Variants in MTOR observed in about 807,000 individuals in gnomAD.
The protein encoded by MTOR is serine/threonine-protein kinase mTOR.
In MTOR, 70 loss-of-function variants were observed where a neutral mutation model predicts 319.8. The observed-to-expected ratio is 0.22, with a 90% CI of 0.18 to 0.27. The LOEUF (loss-of-function observed/expected upper bound fraction) is 0.27. MTOR is among the 10% of genes least tolerant of loss of function. The pLI, the probability that MTOR is intolerant of heterozygous loss-of-function variation, is 1.00. For synonymous variants in MTOR, 1,183 were observed against 1,211.4 expected (o/e 0.98, Z 0.49); for missense variants, 1,890 against 3,274.4 (o/e 0.58, Z 10.32).
rs2100407654 is a variant in MTOR at position 11,127,692 on chromosome 1, C to T, written c.6148G>A (p.Val2050Met). 6.2e-7 allele frequency: 1 copy of T among 1,614,122 alleles called. No individual in the cohort carries two copies. The highest frequency in any genetic ancestry group is 8.5e-7 in the Non-Finnish European group (1 of 1,180,042). ...ATCATAGCATGCAAGGGCTCCAGCA[C>T]CTCAAACATGCCTTTCACGTTCCTT... is the stretch of plus-strand genomic sequence containing the variant. ...GERNVKGMFE[V>M]LEPLHAMMER... Residue 2050 changes from valine (V) to methionine (M), a missense_variant, in exon 44 of 58, where the codon GTG becomes ATG. Coordinates refer to ENST00000361445, the MANE Select transcript of MTOR (RefSeq NM_004958.4). This position sits in a 1 kb window ranked among gnomAD's most constrained non-coding sequence, Gnocchi z 5.5.
Position 11,204,572 on chromosome 1 carries a change from G to C in MTOR, c.3933C>G (p.Asn1311Lys), listed in dbSNP as rs748390788. 2 of 1,614,106 alleles carry C rather than the reference G, an allele frequency of 1.2e-6. No individual in the cohort carries two copies. Among genetic ancestry groups the C allele is most frequent in the Non-Finnish European group, 1.7e-6 (2 of 1,179,946 alleles). Reference protein sequence around the residue: ...RSCWALAQAYNPMARDLFNAA... With the variant: ...RSCWALAQAYKPMARDLFNAA... ...CTGACACACTATACCTGGCCATCGG[G>C]TTGTAGGCCTGTGCCAGGGCCCAGC... The change falls in exon 26 of 58, where the codon AAC (asparagine) becomes AAG (lysine). Residue 1311 changes from asparagine (N) to lysine (K), a missense_variant. Coordinates refer to ENST00000361445, the MANE Select transcript of MTOR (RefSeq NM_004958.4).
chr1:11,188,442 C>A (rs981428024), intron 28 of MTOR, among the ~76,000 whole-genome samples: 2 of 152,102 alleles, frequency 1.3e-5, no homozygotes, highest in East Asian at 1.9e-4. Flanking sequence ...GGAAATGAGA[C>A]TCTAGATATG....
chr1:11,193,745 C>G lies in MTOR; in HGVS notation c.4253+5513G>C, dbSNP rs753849464. ...CGAACACATCCACCGGCTCTCCAGA[C>G]AGCCAACCCGGCTGCGTGTAGAGAT... is the stretch of plus-strand genomic sequence containing the variant. On this transcript the variant is annotated intron_variant, in intron 28 of 57. Coordinates refer to ENST00000361445, the MANE Select transcript of MTOR (RefSeq NM_004958.4). 5.6e-6 allele frequency: 9 copies of G among 1,614,152 alleles called. No individual in the cohort carries two copies. In the Middle Eastern group the frequency reaches 8.3e-4, roughly 148 times the overall value.
chr1:11,146,628 C>G (rs1643938613), intron 32 of MTOR, 48 bp downstream of exon 32: 1 of 1,487,254 alleles, frequency 6.7e-7, no homozygotes, highest in East Asian at 2.3e-5. Flanking sequence ...CTTAGAAGCA[C>G]TACAATCTTT....
Position 11,121,198 on chromosome 1 carries a change from G to A in MTOR, c.6933+48C>T, listed in dbSNP as rs754987668. ...ACAGATGGGAGGGCCATCCTATTGC[G>A]AGTGGGGGTTCCAGGAGAGCGCAGG... On this transcript the variant is annotated intron_variant, in intron 49 of 57. Transcript: ENST00000361445. This position sits in a 1 kb window ranked among gnomAD's most constrained non-coding sequence, Gnocchi z 4.9. The A allele has an allele frequency of 1.2e-5, 20 of 1,606,936 alleles. No homozygotes were observed. The highest frequency in any genetic ancestry group is 8.0e-5 in the African/African-American group (6 of 74,870).
intron 25 of MTOR, among the ~76,000 whole-genome samples, chr1:11,207,414 T>TA (rs1646170847): frequency 7.2e-6 from 1 of 139,170 alleles, no homozygotes; most frequent in South Asian, 2.5e-4. Context: ...TACCTCTTTT[T>TA]TTTTTTTTTT....
At chr1:11,206,059 A>G (rs1410968107) in intron 25 of MTOR, among the ~76,000 whole-genome samples, 1 of 152,218 alleles carries the variant, frequency 6.6e-6, no homozygotes, top group East Asian at 1.9e-4. Context: ...GAGACAAACT[A>G]AATAATACCA....
chr1:11,147,956 G>T (rs1003280150), intron 31 of MTOR, among the ~76,000 whole-genome samples: 1 of 152,188 alleles, frequency 6.6e-6, no homozygotes, highest in Non-Finnish European at 1.5e-5. Context: ...GCAAAGAGGA[G>T]AATAGAGACA....
rs754147130 is a variant in MTOR, at chr1:11,144,606, G to A, written c.4872+42C>T. ...GGCACTCACCCAGGTCCTGGAAGGGGTAGGGGTAGGTGGGTGAACTGGGGC... is the reference window on the plus strand; with the variant it reads ...GGCACTCACCCAGGTCCTGGAAGGGATAGGGGTAGGTGGGTGAACTGGGGC... On this transcript the variant is annotated intron_variant, in intron 34 of 57. Transcript: ENST00000361445. 5 of 1,576,798 alleles carry A rather than the reference G, an allele frequency of 3.2e-6. No homozygotes were observed. In the South Asian group the frequency reaches 3.3e-5, roughly 10 times the overall value.
At chr1:11,108,901 T>C (rs1267866528) in intron 56 of MTOR, among the ~76,000 whole-genome samples, 1 of 152,020 alleles carries the variant, frequency 6.6e-6, no homozygotes, top group Non-Finnish European at 1.5e-5. Context: ...GGCAGGAGAA[T>C]TGTTTGAACC....
intron 5 of MTOR, among the ~76,000 whole-genome samples, chr1:11,254,912 G>T (rs1183299204): frequency 6.6e-6 from 1 of 151,952 alleles, no homozygotes; most frequent in Non-Finnish European, 1.5e-5. Context: ...CCACAGGCGT[G>T]TAACACCAGG....
intron 30 of MTOR, chr1:11,152,235 C>T (rs1170124951): frequency 6.6e-6 from 1 of 152,180 alleles, no homozygotes; most frequent in Non-Finnish European, 1.5e-5. Flanking sequence ...TATGGGGCAA[C>T]AACTAGGATA....
chr1:11,237,609 G>C (rs768639191), intron 13 of MTOR, among the ~76,000 whole-genome samples: 5 of 152,052 alleles, frequency 3.3e-5, no homozygotes, highest in African/African-American at 7.2e-5. Flanking sequence ...AGCTGCATGA[G>C]AGGACTCTGA....
intron 28 of MTOR, among the ~76,000 whole-genome samples, chr1:11,174,707 A>C (rs1004469245): frequency 3.9e-5 from 6 of 152,134 alleles, no homozygotes; most frequent in African/African-American, 1.4e-4. Flanking sequence ...TGAAGAAATC[A>C]CCTTTGCTCA....
chr1:11,194,617 G>C lies in MTOR; in HGVS notation c.4253+4641C>G, dbSNP rs910797684. The C allele has an allele frequency of 1.9e-6, 3 of 1,614,216 alleles. No individual in the cohort carries two copies. In the African/African-American group the frequency reaches 4.0e-5, roughly 22 times the overall value. ...CACAGCCTTCAGCACCAAGGACAAGGACAATGACAACTGCTTGGACAAGTG... is the reference window on the plus strand; with the variant it reads ...CACAGCCTTCAGCACCAAGGACAAGCACAATGACAACTGCTTGGACAAGTG... On this transcript the variant is annotated intron_variant, in intron 28 of 57. Coordinates refer to ENST00000361445, the MANE Select transcript of MTOR (RefSeq NM_004958.4).
chr1:11,118,228 A>ATTTTTTTTT (rs771785403), intron 49 of MTOR, among the ~76,000 whole-genome samples: 10 of 120,752 alleles, frequency 8.3e-5, no homozygotes, highest in African/African-American at 3.2e-4. Context: ...AACTTAGTTA[A>ATTTTTTTTT]TTTTTTTTTT....
intron 24 of MTOR, among the ~76,000 whole-genome samples, chr1:11,210,212 G>T (rs963632382): frequency 6.6e-6 from 1 of 152,200 alleles, no homozygotes; most frequent in African/African-American, 2.4e-5. Flanking sequence ...ACCCAGGCTG[G>T]AGTGCACTGG....
intron 16 of MTOR, 89 bp downstream of exon 16, chr1:11,232,347 T>A (rs1208324778): frequency 4.5e-6 from 4 of 893,608 alleles, no homozygotes; most frequent in African/African-American, 1.7e-5. Flanking sequence ...TTCTAGGCAC[T>A]GGGTGAGGAC....
chr1:11,240,076 G>A (rs542502588), intron 11 of MTOR, among the ~76,000 whole-genome samples: 1 of 152,260 alleles, frequency 6.6e-6, no homozygotes, highest in South Asian at 2.1e-4. Context: ...TTGGATCAAC[G>A]TATACTTTCC....
Sources: gnomAD v4.1 joint callset for allele counts (sites outside exome capture counted in the v4.1 genomes callset) on GRCh38, gnomAD v4.1.1 for gene constraint, Gnocchi (gnomAD v3.1) non-coding constraint, MANE v1.5 for transcripts, NCBI Gene and HGNC (gene_info 2026-07-23, HGNC 2026-07-21) for gene names.